NUP160: variants seen among roughly 807,000 people sequenced by gnomAD.
The protein encoded by NUP160 is nuclear pore complex protein Nup160.
Under a neutral mutation model 196.9 loss-of-function variants are expected in NUP160, and 94 were observed. The ratio of observed to expected loss-of-function variants is 0.48; its 90% CI spans 0.40 to 0.57. The LOEUF is 0.57. Ranked by LOEUF, NUP160 falls within the 20% of genes least tolerant of loss-of-function variation. The pLI is 0.00. For missense variants in NUP160, 1,638 were observed against 1,748.3 expected (o/e 0.94, Z 1.13); for synonymous variants, 605 against 619.7 (o/e 0.98, Z 0.35).
intron 8 of NUP160, 113 bp from the exon 9 acceptor site, chr11:47,821,934 C>T: frequency 1.0e-6 from 1 of 1,004,620 alleles, no homozygotes; most frequent in Non-Finnish European, 1.5e-6. Flanking sequence ...AAACATGGTA[C>T]CACATGAATT....
chr11:47,845,138 TTTTA>T (rs1187276533), intron 2 of NUP160, among the ~76,000 whole-genome samples: 2 of 152,300 alleles, frequency 1.3e-5, no homozygotes, highest in Admixed American at 1.3e-4. Flanking sequence ...GTAGCCATTC[TTTTA>T]TTTACATTTT....
At chr11:47,785,125 T>C in intron 32 of NUP160, 62 bp from the exon 33 acceptor site, 1 of 679,838 alleles carries the variant, frequency 1.5e-6, no homozygotes, top group Non-Finnish European at 2.2e-6. Flanking sequence ...AGAGTACCAT[T>C]CAAAGCATGT....
intron 3 of NUP160, 98 bp downstream of exon 3, chr11:47,840,280 C>A: frequency 9.0e-7 from 1 of 1,115,632 alleles, no homozygotes; most frequent in South Asian, 1.3e-5. Flanking sequence ...AACGAGAATC[C>A]AAATTTCCTT....
At chr11:47,780,387 G>A in exon 35 of NUP160, 1 of 1,613,886 alleles carries the variant, frequency 6.2e-7, no homozygotes, top group Non-Finnish European at 8.5e-7. Context: ...AGAGCTTGGA[G>A]AAGCTGATCA....
chr11:47,783,039 C>G (rs776407635), intron 34 of NUP160, 34 bp downstream of exon 34: 17 of 1,581,742 alleles, frequency 1.1e-5, no homozygotes, highest in Non-Finnish European at 1.4e-5. Flanking sequence ...TAAGTCAAAC[C>G]ATTGTAAATT....
chr11:47,812,792 A>G, intron 15 of NUP160, 90 bp downstream of exon 15: 1 of 1,035,434 alleles, frequency 9.7e-7, no homozygotes, highest in Admixed American at 2.3e-5. Flanking sequence ...ACTATTCTGT[A>G]CGCTCTGGAA....
At chr11:47,824,613 A>G (rs1160906480) in intron 7 of NUP160, among the ~76,000 whole-genome samples, 1 of 151,922 alleles carries the variant, frequency 6.6e-6, no homozygotes, top group African/African-American at 2.4e-5. Context: ...ATCTCAAAAA[A>G]AAATAAAATA....
chr11:47,820,418 A>C (rs1277148391), intron 9 of NUP160: 2 of 152,216 alleles, frequency 1.3e-5, no homozygotes, highest in Non-Finnish European at 2.9e-5. Context: ...ATTGTGTTAT[A>C]ATTTTATACT....
At chr11:47,810,002 T>C (rs1022683511) in intron 17 of NUP160, among the ~76,000 whole-genome samples, 23 of 151,986 alleles carry the variant, frequency 1.5e-4, no homozygotes, top group Non-Finnish European at 3.1e-4. Flanking sequence ...TTTGTAAAGG[T>C]TCTACAATGA....
intron 29 of NUP160, among the ~76,000 whole-genome samples, chr11:47,790,978 TATA>T (rs1003945091): frequency 6.6e-6 from 1 of 152,366 alleles, no homozygotes; most frequent in Non-Finnish European, 1.5e-5. Flanking sequence ...TAAGTTGTTG[TATA>T]ATAACCTTTG....
At chr11:47,833,369 T>C (rs1362794092) in intron 7 of NUP160, among the ~76,000 whole-genome samples, 2 of 151,518 alleles carry the variant, frequency 1.3e-5, no homozygotes, top group East Asian at 3.9e-4. Context: ...GAAGGAGAAT[T>C]GCTTGAACCC....
At position 47,843,444 on chromosome 11, in the gene NUP160, C is replaced by T. The variant is rs114889295; in HGVS notation, c.315-2856G>A. Among the ~76,000 whole-genome samples the T allele has an allele frequency of 7.2e-3, 1,092 of 152,318 alleles. 12 individuals carry two copies. Among genetic ancestry groups the T allele is most frequent in the African/African-American group, 0.025 (1,051 of 41,566 alleles). Reference sequence around the variant, plus strand: ...CTGGGATGCCACGTTCTTTGTTCAACTCTCACTTCAGTTACTCCTTCTTGG... The same window carrying T: ...CTGGGATGCCACGTTCTTTGTTCAATTCTCACTTCAGTTACTCCTTCTTGG... On this transcript the variant is annotated intron_variant, in intron 2 of 35. Coordinates refer to ENST00000378460, the Ensembl canonical transcript of NUP160.
intron 5 of NUP160, 112 bp downstream of exon 5, chr11:47,837,433 T>G (rs941222365): frequency 1.6e-5 from 13 of 811,626 alleles, no homozygotes; most frequent in Non-Finnish European, 2.5e-5. Flanking sequence ...CTGACTGTTC[T>G]CCTTTCCAGT....
exon 29 of NUP160, chr11:47,791,950 C>T (rs2097668132): frequency 1.2e-6 from 2 of 1,612,384 alleles, no homozygotes; most frequent in Non-Finnish European, 1.7e-6. Context: ...TGTGCATTCT[C>T]CATCATGATT....
At chr11:47,784,058 A>C (rs967931601) in intron 33 of NUP160, among the ~76,000 whole-genome samples, 10 of 152,064 alleles carry the variant, frequency 6.6e-5, no homozygotes, top group East Asian at 1.9e-4. Context: ...CAAAACAAAA[A>C]AAACCAAAAA....
intron 7 of NUP160, among the ~76,000 whole-genome samples, chr11:47,832,925 G>T (rs1440272000): frequency 6.6e-6 from 1 of 152,166 alleles, no homozygotes; most frequent in African/African-American, 2.4e-5. Flanking sequence ...GACATAATAT[G>T]ACCAGAATAA....
intron 33 of NUP160, among the ~76,000 whole-genome samples, chr11:47,783,946 G>C (rs2097662976): frequency 6.6e-6 from 1 of 151,418 alleles, no homozygotes; most frequent in South Asian, 2.1e-4. Flanking sequence ...TGCCTGCCTT[G>C]GCCTCCCAAA....
chr11:47,827,552 T>C (rs1409167088), intron 7 of NUP160, among the ~76,000 whole-genome samples: 2 of 150,846 alleles, frequency 1.3e-5, no homozygotes, highest in Non-Finnish European at 3.0e-5. Flanking sequence ...AAAACAACAA[T>C]ATAAAAATTA....
intron 12 of NUP160, 118 bp downstream of exon 12, chr11:47,815,828 A>G: frequency 2.0e-6 from 2 of 978,010 alleles, no homozygotes; most frequent in Non-Finnish European, 3.1e-6. Flanking sequence ...AGGTTTAAAC[A>G]TTTATATGTT....
Sources: gnomAD v4.1 joint callset for allele counts (sites outside exome capture counted in the v4.1 genomes callset) on GRCh38, gnomAD v4.1.1 for gene constraint, MANE v1.5 for transcripts, NCBI Gene and HGNC (gene_info 2026-07-23, HGNC 2026-07-21) for gene names.